SUMO3: variants seen among roughly 807,000 people sequenced by gnomAD.
SUMO3 encodes small ubiquitin-related modifier 3.
In SUMO3, 2 loss-of-function variants were observed where a neutral mutation model predicts 11.1. The ratio of observed to expected loss-of-function variants is 0.18; its 90% CI spans 0.07 to 0.57. The LOEUF (loss-of-function observed/expected upper bound fraction) is 0.57. Among genes scored for constraint, SUMO3 ranks in the 20% least tolerant of loss-of-function variants. The pLI, the probability that SUMO3 is intolerant of heterozygous loss-of-function variation, is 0.92. For synonymous variants in SUMO3, 56 were observed against 53.5 expected, an observed-to-expected ratio of 1.05 and a Z score of -0.20; for missense variants, 70 against 132.8, an observed-to-expected ratio of 0.53 and a Z score of 2.32.
At chr21:44,809,989 T>A (rs1377964837) in intron 2 of SUMO3, among the ~76,000 whole-genome samples, 3 of 152,070 alleles carry the variant, frequency 2.0e-5, no homozygotes, top group Admixed American at 6.6e-5. Context: ...TGTGTGCCAA[T>A]GAGGGACAGA....
Position 44,811,768 on chromosome 21 carries a change from T to G in SUMO3, c.150+2208A>C, listed in dbSNP as rs76430289. 7.7e-3 allele frequency among the ~76,000 whole-genome samples: 1,166 copies of G among 152,080 alleles called. 5 individuals are homozygous for G. The highest frequency in any genetic ancestry group is 0.02 in the Middle Eastern group (6 of 294). On this transcript the variant is annotated intron_variant, in intron 2 of 3. Coordinates refer to ENST00000332859, the MANE Select transcript of SUMO3 (RefSeq NM_006936.3). The surrounding 1 kb of genome is among the most constrained non-coding windows in gnomAD (Gnocchi z 5.0). ...CAAAATGGGAGAAAAATTATCAAAT[T>G]TAAAATATCTAGGACAATGAGCAGC...
rs930076536 is a variant in SUMO3 at position 44,810,095 on chromosome 21, G to A, written c.151-977C>T. Among the ~76,000 whole-genome samples, 1 of 152,232 alleles carries A rather than the reference G, an allele frequency of 6.6e-6. No homozygotes were observed. The highest frequency in any genetic ancestry group is 1.5e-5 in the Non-Finnish European group (1 of 68,038). ...AGAGCACGCAGCCTTTCTGCGTCCT[G>A]AGGGAATGGAGAAATGTGGTCAGGG... On this transcript the variant is annotated intron_variant, in intron 2 of 3. Coordinates refer to ENST00000332859, the MANE Select transcript of SUMO3 (RefSeq NM_006936.3). This position sits in a 1 kb window ranked among gnomAD's most constrained non-coding sequence, Gnocchi z 4.1.
chr21:44,817,931 G>C lies in SUMO3; in HGVS notation c.21+17C>G. The C allele has an allele frequency of 8.6e-7, 1 of 1,169,274 alleles. No individual in the cohort carries two copies. Among genetic ancestry groups the C allele is most frequent in the Non-Finnish European group, 1.1e-6 (1 of 947,594 alleles). 72.4% of individuals were successfully genotyped at this position (1,169,274 alleles called of 1,614,324 possible). On this transcript the variant is annotated intron_variant, in intron 1 of 3. Coordinates refer to ENST00000332859, the MANE Select transcript of SUMO3 (RefSeq NM_006936.3). The stretch of plus-strand genomic sequence containing the variant: ...GCCCGCGATAGACGCGCGTGCAGGC[G>C]GGGTCGCCGCGCTTACCTTGGGCTT...
At chr21:44,814,842 C>T (rs1487760315) in intron 1 of SUMO3, among the ~76,000 whole-genome samples, 1 of 152,206 alleles carries the variant, frequency 6.6e-6, no homozygotes, top group Non-Finnish European at 1.5e-5. Context: ...TAATTCATGC[C>T]ATACTTGAAG....
In SUMO3 at chr21:44,811,600, A is replaced by G. The variant is rs1184801743; in HGVS notation, c.150+2376T>C. 2.0e-5 allele frequency among the ~76,000 whole-genome samples: 3 copies of G among 152,178 alleles called. No homozygotes were observed. Among genetic ancestry groups the G allele is most frequent in the African/African-American group, 7.2e-5 (3 of 41,444 alleles). On this transcript the variant is annotated intron_variant, in intron 2 of 3. Coordinates refer to ENST00000332859, the MANE Select transcript of SUMO3 (RefSeq NM_006936.3). This position sits in a 1 kb window ranked among gnomAD's most constrained non-coding sequence, Gnocchi z 5.0. ...AAAAATAAGTTGCTACTGAGAAAAA[A>G]AGAACACTCAAAGAACAGAAAGAAA...
intron 3 of SUMO3, chr21:44,808,547 C>T: frequency 7.2e-7 from 1 of 1,393,298 alleles, no homozygotes; most frequent in Non-Finnish European, 9.4e-7. Context: ...GTCCAAAGCT[C>T]TTTCCATGAC....
chr21:44,817,770 G>A (rs2083256084), intron 1 of SUMO3, among the ~76,000 whole-genome samples, 178 bp downstream of exon 1: 1 of 148,338 alleles, frequency 6.7e-6, no homozygotes, highest in South Asian at 2.2e-4. Flanking sequence ...AGCGCGCTTC[G>A]CGGGGGCAGA....
chr21:44,816,602 CAT>C (rs1401138016), intron 1 of SUMO3, among the ~76,000 whole-genome samples: 2 of 152,206 alleles, frequency 1.3e-5, no homozygotes, highest in African/African-American at 4.8e-5. Flanking sequence ...TGGGATGTAA[CAT>C]AGAGGCCGAC....
chr21:44,807,119 C>T lies in SUMO3; in HGVS notation c.223-79G>A. On this transcript the variant is annotated intron_variant, in intron 3 of 3. Coordinates refer to ENST00000332859, the MANE Select transcript of SUMO3 (RefSeq NM_006936.3). This position sits in a 1 kb window ranked among gnomAD's most constrained non-coding sequence, Gnocchi z 4.3. ...TCATCAGAGAGTGGGAAGATCCTCA[C>T]TGGCATGAGTGTTCCCTGACACTAG... The T allele has an allele frequency of 6.4e-7, 1 of 1,551,192 alleles. No homozygotes were observed.
intron 2 of SUMO3, among the ~76,000 whole-genome samples, chr21:44,812,561 G>A (rs773663502): frequency 2.0e-5 from 3 of 152,190 alleles, no homozygotes; most frequent in Non-Finnish European, 2.9e-5. Flanking sequence ...TGCCCGTTCT[G>A]ACAAGACCCT....
rs140102653 is a variant in SUMO3 at position 44,810,700 on chromosome 21, C to A, written c.151-1582G>T. ...TCCAGAACCTGCAATCCAGACAGAT[C>A]ACCCCATGTGGATGCACAGCCCTGG... On this transcript the variant is annotated intron_variant, in intron 2 of 3. Coordinates refer to ENST00000332859, the MANE Select transcript of SUMO3 (RefSeq NM_006936.3). This position sits in a 1 kb window ranked among gnomAD's most constrained non-coding sequence, Gnocchi z 4.1. Among the ~76,000 whole-genome samples, 1 of 152,292 alleles carries A rather than the reference C, an allele frequency of 6.6e-6. No individual in the cohort carries two copies. The highest frequency in any genetic ancestry group is 2.4e-5 in the African/African-American group (1 of 41,554).
At chr21:44,817,314 G>T (rs971560015) in intron 1 of SUMO3, among the ~76,000 whole-genome samples, 2 of 148,698 alleles carry the variant, frequency 1.3e-5, no homozygotes, top group South Asian at 4.3e-4. Context: ...GAGACACGAA[G>T]GAGAGGGGTG....
chr21:44,807,201 G>A lies in SUMO3; in HGVS notation c.223-161C>T, dbSNP rs979136599. Among the ~76,000 whole-genome samples, 5 of 152,106 alleles carry A rather than the reference G, an allele frequency of 3.3e-5. No individual in the cohort carries two copies. The highest frequency in any genetic ancestry group is 9.7e-5 in the African/African-American group (4 of 41,416). On this transcript the variant is annotated intron_variant, in intron 3 of 3. Coordinates refer to ENST00000332859, the MANE Select transcript of SUMO3 (RefSeq NM_006936.3). The surrounding 1 kb of genome is among the most constrained non-coding windows in gnomAD (Gnocchi z 4.3). ...CCGTCCCCTCACTGCAGCTCAGCAC[G>A]CATGGAAGAGGCATTGCTGTATGCT... is the stretch of plus-strand genomic sequence containing the variant.
chr21:44,814,249 T>C (rs2083230848), intron 1 of SUMO3, 145 bp from the exon 2 acceptor site: 7 of 1,093,854 alleles, frequency 6.4e-6, no homozygotes, highest in Middle Eastern at 3.0e-4. Context: ...TCAGAGTCAC[T>C]CGTGATGGTT....
At chr21:44,817,019 ACG>A (rs2083248717) in intron 1 of SUMO3, among the ~76,000 whole-genome samples, 3 of 99,316 alleles carry the variant, frequency 3.0e-5, no homozygotes, top group African/African-American at 4.1e-5. Flanking sequence ...GGGGGACGCG[ACG>A]GGGAGGGGTG....
intron 1 of SUMO3, among the ~76,000 whole-genome samples, chr21:44,814,758 G>A (rs1018157477): frequency 1.3e-5 from 2 of 152,216 alleles, no homozygotes; most frequent in East Asian, 3.8e-4. Context: ...AAATGTGAGG[G>A]AAGCCACCTC....
Position 44,807,014 on chromosome 21 carries a change from G to C in SUMO3, c.249C>G (p.Ile83Met), listed in dbSNP as rs751362750. Residue 83 changes from isoleucine (I) to methionine (M), a missense_variant, in exon 4 of 4, where the codon ATC (isoleucine) becomes ATG (methionine). Physicochemically the swap from Ile to Met is conservative, Grantham distance 10. Coordinates refer to ENST00000332859, the MANE Select transcript of SUMO3 (RefSeq NM_006936.3). The surrounding 1 kb of genome is among the most constrained non-coding windows in gnomAD (Gnocchi z 4.3). ...CTCCCGTCTGCTGCTGGAACACGTC[G>C]ATGGTGTCCTCGTCCTCCATCTCCA... ...AQLEMEDEDTIDVFQQQTGGV... is the reference protein window; with the variant it reads ...AQLEMEDEDTMDVFQQQTGGV... 5 of 1,613,930 alleles carry C rather than the reference G, an allele frequency of 3.1e-6. No homozygotes were observed. The highest frequency in any genetic ancestry group is 4.2e-6 in the Non-Finnish European group (5 of 1,180,028).
chr21:44,809,337 G>A (rs2083196768), intron 2 of SUMO3, among the ~76,000 whole-genome samples: 1 of 152,208 alleles, frequency 6.6e-6, no homozygotes, highest in Admixed American at 6.5e-5. Flanking sequence ...TCACCAGTGG[G>A]CCTACAATCT....
chr21:44,809,910 C>T (rs1026794221), intron 2 of SUMO3, among the ~76,000 whole-genome samples: 3 of 152,204 alleles, frequency 2.0e-5, no homozygotes, highest in East Asian at 1.9e-4. Context: ...TTCCAGAAGC[C>T]GAGTAGAACT....
Sources: allele counts gnomAD v4.1 joint callset (sites outside exome capture counted in the v4.1 genomes callset), GRCh38; gene constraint gnomAD v4.1.1; non-coding constraint Gnocchi (gnomAD v3.1); transcripts MANE v1.5; gene names NCBI Gene and HGNC (gene_info 2026-07-23, HGNC 2026-07-21).